BFSP2: variants seen among roughly 807,000 people sequenced by gnomAD.
BFSP2 encodes beaded filament structural protein 2, also known as phakinin.
In BFSP2, 38 loss-of-function variants were observed where a neutral mutation model predicts 44.9. The observed-to-expected ratio is 0.85, with a 90% CI of 0.65 to 1.11. BFSP2 has a LOEUF of 1.11. BFSP2 is among the 50% of genes least tolerant of loss of function. BFSP2 has a pLI of 0.00. For missense variants in BFSP2, 525 were observed against 533.0 expected (o/e 0.99, Z 0.15); for synonymous variants, 197 against 209.9 (o/e 0.94, Z 0.53).
intron 1 of BFSP2, among the ~76,000 whole-genome samples, chr3:133,405,790 T>C (rs970849123): frequency 1.3e-5 from 2 of 152,270 alleles, no homozygotes; most frequent in Middle Eastern, 3.4e-3. Flanking sequence ...TGGTTAGAAA[T>C]GTAGCTACCA....
intron 4 of BFSP2, among the ~76,000 whole-genome samples, chr3:133,452,927 A>T (rs539708149): frequency 9.2e-5 from 14 of 152,322 alleles, no homozygotes; most frequent in Admixed American, 4.6e-4. Flanking sequence ...GGTCATTATT[A>T]TCTCCTCCTC....
chr3:133,417,116 TTCTCCCCTCTACTTACCCCTGCCC>T, intron 1 of BFSP2, among the ~76,000 whole-genome samples: 1 of 34,472 alleles, frequency 2.9e-5, no homozygotes, highest in Non-Finnish European at 5.7e-5. Flanking sequence ...CACCCCTGCC[TTCTCCCCTCTACTTACCCCTGCCC>T]TCTCCCCTCT....
In BFSP2 at chr3:133,433,560, G is replaced by A. The variant is rs573286425; in HGVS notation, c.490-13757G>A. Among the ~76,000 whole-genome samples, 4 of 152,280 alleles carry A rather than the reference G, an allele frequency of 2.6e-5. No individual in the cohort carries two copies. The South Asian group carries it at 8.3e-4, about 32-fold the overall frequency. ...ATAACTAAACTACCTCTTAGTCTAG[G>A]TAGACACTTTCACTGGATAGGTAGA... On this transcript the variant is annotated intron_variant, in intron 1 of 6. Transcript: ENST00000302334.
At chr3:133,455,412 C>G (rs1334472954) in intron 4 of BFSP2, 1 of 152,228 alleles carries the variant, frequency 6.6e-6, no homozygotes, top group Non-Finnish European at 1.5e-5. Context: ...AGGTCCTCAA[C>G]TCCTAGAGGC....
At chr3:133,430,694 C>A (rs180890782) in intron 1 of BFSP2, among the ~76,000 whole-genome samples, 27,574 of 151,972 alleles carry the variant, frequency 0.18, 3,802 homozygotes, top group African/African-American at 0.39. Context: ...GTTCCCAATG[C>A]AACTCATCCC....
chr3:133,474,097 A>C (rs2074191528), intron 6 of BFSP2, among the ~76,000 whole-genome samples: 1 of 152,166 alleles, frequency 6.6e-6, no homozygotes, highest in African/African-American at 2.4e-5. Flanking sequence ...CTCTTTTTTT[A>C]ATAGATAAGG....
intron 5 of BFSP2, among the ~76,000 whole-genome samples, chr3:133,468,255 T>C (rs1049618884): frequency 6.6e-6 from 1 of 152,216 alleles, no homozygotes; most frequent in Non-Finnish European, 1.5e-5. Flanking sequence ...GCACCCCTGC[T>C]GTGGGAGTCA....
Position 133,446,604 on chromosome 3 carries a change from A to T in BFSP2, c.490-713A>T, listed in dbSNP as rs1283818646. Among the ~76,000 whole-genome samples, 7 of 41,400 alleles carry T rather than the reference A, an allele frequency of 1.7e-4. 1 individual carries two copies. The highest frequency in any genetic ancestry group is 7.9e-4 in the African/African-American group (7 of 8,912). The allele number at this position is 41,400 out of a possible 152,430, so 27.2% of individuals were successfully genotyped here. A position where few individuals can be genotyped will look rare whatever the true frequency, so the allele number is the denominator to read the frequency against. On this transcript the variant is annotated intron_variant, in intron 1 of 6. Transcript: ENST00000302334. Reference sequence around the variant, plus strand: ...TATATATATATATATATATATATATATATATATATATATATATATATATAT... The same window carrying T: ...TATATATATATATATATATATATATTTATATATATATATATATATATATAT...
chr3:133,464,766 T>G (rs538758042), intron 4 of BFSP2, among the ~76,000 whole-genome samples: 1 of 152,316 alleles, frequency 6.6e-6, no homozygotes, highest in African/African-American at 2.4e-5. Flanking sequence ...ATAATGAGTA[T>G]TATTCTCCAT....
At chr3:133,420,717 G>A (rs926378243) in intron 1 of BFSP2, among the ~76,000 whole-genome samples, 2 of 152,176 alleles carry the variant, frequency 1.3e-5, no homozygotes, top group African/African-American at 2.4e-5. Flanking sequence ...CTCTTCTCAC[G>A]TGTCCTGTGC....
intron 1 of BFSP2, among the ~76,000 whole-genome samples, chr3:133,419,504 C>T (rs564441144): frequency 9.7e-4 from 147 of 152,304 alleles, no homozygotes; most frequent in Non-Finnish European, 1.7e-3. Context: ...ATGTAGAGTG[C>T]CCGTTTGATA....
At chr3:133,414,976 CAT>C (rs2107885879) in intron 1 of BFSP2, among the ~76,000 whole-genome samples, 3 of 137,024 alleles carry the variant, frequency 2.2e-5, no homozygotes, top group African/African-American at 2.9e-5. Flanking sequence ...TCACCCCTGC[CAT>C]CTCTCCTCTA....
Position 133,422,375 on chromosome 3 carries a change from G to T in BFSP2, c.489+21803G>T, listed in dbSNP as rs115969531. ...AGGCAAGATTCCCTTTTAGAATTCT[G>T]GTAGGTAGATGAGATGGATCGTTTC... is the stretch of plus-strand genomic sequence containing the variant. On this transcript the variant is annotated intron_variant, in intron 1 of 6. Transcript: ENST00000302334. 2.0e-5 allele frequency among the ~76,000 whole-genome samples: 3 copies of T among 152,244 alleles called. No individual in the cohort carries two copies. The South Asian group carries it at 6.2e-4, about 32-fold the overall frequency.
intron 4 of BFSP2, among the ~76,000 whole-genome samples, chr3:133,456,182 C>T (rs912626475): frequency 6.6e-6 from 1 of 152,214 alleles, no homozygotes; most frequent in Non-Finnish European, 1.5e-5. Context: ...GCACTTGCCT[C>T]AGGTCAGTTT....
chr3:133,431,498 T>G (rs2073717838), intron 1 of BFSP2, among the ~76,000 whole-genome samples: 2 of 152,098 alleles, frequency 1.3e-5, no homozygotes, highest in Non-Finnish European at 2.9e-5. Context: ...CCACTGGAAA[T>G]CGGACTGTTC....
chr3:133,467,528 C>T (rs1017751272), intron 5 of BFSP2, among the ~76,000 whole-genome samples: 1 of 152,144 alleles, frequency 6.6e-6, no homozygotes, highest in Non-Finnish European at 1.5e-5. Flanking sequence ...GGATCCCTAA[C>T]TCAGGCTCTG....
chr3:133,428,932 G>A (rs1046420403), intron 1 of BFSP2, among the ~76,000 whole-genome samples: 1 of 152,080 alleles, frequency 6.6e-6, no homozygotes, highest in Non-Finnish European at 1.5e-5. Context: ...TTATTTATGC[G>A]ATCGATCTCA....
chr3:133,452,080 C>T (rs991861807), intron 4 of BFSP2, among the ~76,000 whole-genome samples: 4 of 152,194 alleles, frequency 2.6e-5, no homozygotes, highest in African/African-American at 9.7e-5. Context: ...CCCAGACCAA[C>T]CAAATCAGAC....
chr3:133,419,636 C>T (rs73863532), intron 1 of BFSP2, among the ~76,000 whole-genome samples: 4,434 of 152,266 alleles, frequency 0.029, 213 homozygotes, highest in African/African-American at 0.1. Context: ...GTGATTGATC[C>T]TTCTGCAAGC....
Sources: allele counts gnomAD v4.1 joint callset (sites outside exome capture counted in the v4.1 genomes callset), GRCh38; gene constraint gnomAD v4.1.1; transcripts MANE v1.5; gene names NCBI Gene and HGNC (gene_info 2026-07-23, HGNC 2026-07-21).